The following LIMK2 variants were observed in gnomAD, a reference collection of about 807,000 sequenced individuals.
LIMK2 encodes the protein LIM domain kinase 2.
Under a neutral mutation model 75.7 loss-of-function variants are expected in LIMK2, and 35 were observed. The ratio of observed to expected loss-of-function variants is 0.46; its 90% CI spans 0.35 to 0.61. The LOEUF is 0.61. Ranked by LOEUF, LIMK2 falls within the 20% of genes least tolerant of loss-of-function variation. The pLI is 0.00. For synonymous variants in LIMK2, 301 were observed against 319.2 expected, an observed-to-expected ratio of 0.94 and a Z score of 0.61; for missense variants, 623 against 831.0, an observed-to-expected ratio of 0.75 and a Z score of 3.08.
intron 3 of LIMK2, 96 bp from the exon 4 acceptor site, chr22:31,259,025 T>C: frequency 1.4e-6 from 1 of 702,908 alleles, no homozygotes; most frequent in Admixed American, 2.1e-5. Flanking sequence ...GGGGCCTTGC[T>C]TGGAGGTCAT....
chr22:31,258,365 A>G lies in LIMK2; in HGVS notation c.191A>G (p.Tyr64Cys), dbSNP rs1415513799. 1 of 1,613,848 alleles carries G rather than the reference A, an allele frequency of 6.2e-7. No individual in the cohort carries two copies. ...KDGKLYCPKD[Y>C]WGKFGEFCHG... ...GGGAAGCTCTACTGCCCCAAGGACT[A>G]CTGGGGGAAGTTTGGGGAGTTCTGT... The change falls in exon 3 of 16, where the codon TAC (tyrosine) becomes TGC (cysteine). Residue 64 changes from tyrosine to cysteine, a missense_variant. Around this residue, in one of 3 missense-constraint regions of LIMK2, gnomAD observed 514 missense variants for 661.3 expected, o/e 0.78. Coordinates refer to ENST00000331728, the MANE Select transcript of LIMK2 (RefSeq NM_005569.4).
chr22:31,254,054 G>A (rs756541622), intron 2 of LIMK2, among the ~76,000 whole-genome samples: 5 of 152,216 alleles, frequency 3.3e-5, no homozygotes, highest in Non-Finnish European at 5.9e-5. Flanking sequence ...ATAGCTGGCT[G>A]TGCCCTTTAA....
At chr22:31,244,719 A>T (rs1021680596) in intron 2 of LIMK2, among the ~76,000 whole-genome samples, 1 of 152,208 alleles carries the variant, frequency 6.6e-6, no homozygotes, top group Non-Finnish European at 1.5e-5. Flanking sequence ...GCTAGCCCAC[A>T]GTAGTTGTAA....
intron 2 of LIMK2, among the ~76,000 whole-genome samples, chr22:31,236,123 T>G (rs2048571980): frequency 6.6e-6 from 1 of 151,550 alleles, no homozygotes; most frequent in Admixed American, 6.6e-5. Flanking sequence ...GGTGAAACCC[T>G]GTCTCTACAA....
chr22:31,251,757 G>A (rs1381764785), intron 2 of LIMK2, among the ~76,000 whole-genome samples: 1 of 152,160 alleles, frequency 6.6e-6, no homozygotes, highest in East Asian at 1.9e-4. Context: ...AGTAATAAAG[G>A]GATTTTTGAC....
At chr22:31,266,172 G>C (rs562048492) in intron 8 of LIMK2, 40 bp downstream of exon 8, 2 of 1,594,974 alleles carry the variant, frequency 1.3e-6, no homozygotes, top group African/African-American at 1.3e-5. Context: ...TCTGCCCCCA[G>C]TCCCTCTGTC....
chr22:31,259,657 G>GT (rs1254463587), intron 4 of LIMK2, among the ~76,000 whole-genome samples: 18 of 152,210 alleles, frequency 1.2e-4, no homozygotes, highest in Non-Finnish European at 2.2e-4. Context: ...CCCCAACCCA[G>GT]GCCAGTGTTT....
chr22:31,255,364 A>C (rs1055002188), intron 2 of LIMK2, among the ~76,000 whole-genome samples: 1 of 152,142 alleles, frequency 6.6e-6, no homozygotes, highest in Non-Finnish European at 1.5e-5. Flanking sequence ...GTTTTGAGAC[A>C]CTTCACAGCC....
At chr22:31,271,066 C>A (rs866919298) in intron 11 of LIMK2, 70 bp from the exon 12 acceptor site, 7 of 1,407,740 alleles carry the variant, frequency 5.0e-6, no homozygotes, top group Non-Finnish European at 7.1e-6. Flanking sequence ...GCATCTATGG[C>A]GCCCAATTCC....
intron 2 of LIMK2, among the ~76,000 whole-genome samples, chr22:31,253,686 A>G (rs2048748160): frequency 6.6e-6 from 1 of 152,242 alleles, no homozygotes; most frequent in Non-Finnish European, 1.5e-5. Context: ...ATAGCTTCAC[A>G]TTCCAGCTCC....
intron 15 of LIMK2, chr22:31,277,685 C>A: frequency 2.8e-6 from 1 of 357,656 alleles, no homozygotes; most frequent in African/African-American, 2.2e-5. Context: ...ACTTGGGTTA[C>A]AGCAGCGAAC....
At chr22:31,248,229 C>T in intron 2 of LIMK2, 2 of 615,566 alleles carry the variant, frequency 3.2e-6, no homozygotes, top group Non-Finnish European at 4.7e-6. Context: ...TCGATCCAGC[C>T]CAGCTCCACC....
chr22:31,238,659 C>G (rs2048600240), intron 2 of LIMK2, among the ~76,000 whole-genome samples: 1 of 152,110 alleles, frequency 6.6e-6, no homozygotes, highest in South Asian at 2.1e-4. Context: ...TTGATCACAC[C>G]TCCTTCCTCG....
rs567857837 is a variant in LIMK2 at position 31,262,376 on chromosome 22, C to T, written c.657+137C>T. The T allele has an allele frequency of 2.4e-6, 2 of 824,548 alleles. No homozygotes were observed. The highest frequency in any genetic ancestry group is 3.2e-5 in the South Asian group (2 of 62,736). The allele number at this position is 824,548 out of a possible 1,614,324, so 51.1% of individuals were successfully genotyped here. On this transcript the variant is annotated intron_variant, in intron 6 of 15. Transcript: ENST00000331728. The surrounding 1 kb of genome is among the most constrained non-coding windows in gnomAD (Gnocchi z 5.0). ...GCATTGAGCCTGTGACCACTGGTGA[C>T]CTATTTCAGCGTAACAGGTTCCCAG...
chr22:31,254,640 C>T (rs1016813487), intron 2 of LIMK2, among the ~76,000 whole-genome samples: 23 of 152,262 alleles, frequency 1.5e-4, no homozygotes, highest in Middle Eastern at 3.4e-3. Context: ...GTTGGGCACC[C>T]CATAGTTCTT....
intron 12 of LIMK2, among the ~76,000 whole-genome samples, chr22:31,272,209 T>C (rs1029356697): frequency 6.6e-6 from 1 of 151,610 alleles, no homozygotes; most frequent in African/African-American, 2.4e-5. Context: ...TACAGGCGTG[T>C]GCCACCACGC....
chr22:31,223,278 T>G (rs887952980), intron 1 of LIMK2, among the ~76,000 whole-genome samples: 4 of 152,142 alleles, frequency 2.6e-5, no homozygotes, highest in African/African-American at 9.7e-5. Context: ...TTTGGGTTTC[T>G]CAAGACTGGA....
chr22:31,235,551 G>A (rs2048566299), intron 2 of LIMK2, among the ~76,000 whole-genome samples: 1 of 152,170 alleles, frequency 6.6e-6, no homozygotes, highest in South Asian at 2.1e-4. Context: ...GGAGAGGAGG[G>A]CAAGAGAGGA....
At chr22:31,274,569 T>G (rs566486930) in intron 14 of LIMK2, among the ~76,000 whole-genome samples, 1 of 151,864 alleles carries the variant, frequency 6.6e-6, no homozygotes, top group Non-Finnish European at 1.5e-5. Context: ...CCTGGCTAAT[T>G]TTTGTATTTT....
Sources: allele counts gnomAD v4.1 joint callset (sites outside exome capture counted in the v4.1 genomes callset), GRCh38; gene constraint gnomAD v4.1.1; regional missense constraint gnomAD v4.1.1; non-coding constraint Gnocchi (gnomAD v3.1); transcripts MANE v1.5; gene names NCBI Gene and HGNC (gene_info 2026-07-23, HGNC 2026-07-21).